Variants in CDH12 observed in about 807,000 individuals in gnomAD.
The protein encoded by CDH12 is cadherin-12.
A neutral mutation model predicts 74.1 loss-of-function variants in CDH12; 41 were observed. The ratio of observed to expected loss-of-function variants is 0.55; its 90% CI spans 0.43 to 0.72. The LOEUF (loss-of-function observed/expected upper bound fraction) is 0.72. Among genes scored for constraint, CDH12 ranks in the 30% least tolerant of loss-of-function variants. The pLI is 0.00. For missense variants in CDH12, 945 were observed against 977.2 expected, an observed-to-expected ratio of 0.97 and a Z score of 0.44; for synonymous variants, 399 against 355.0, an observed-to-expected ratio of 1.12 and a Z score of -1.39.
rs372107238 is a variant in CDH12 at position 22,111,648 on chromosome 5, T to A, written c.-186-32786A>T. Among the ~76,000 whole-genome samples the A allele has an allele frequency of 2.6e-5, 4 of 152,278 alleles. No individual in the cohort carries two copies. In the East Asian group the frequency reaches 5.8e-4, roughly 22 times the overall value. On this transcript the variant is annotated intron_variant, in intron 4 of 14. Transcript: ENST00000382254. ...AGAGATGCTTCATATTTTCCAACACTTTGCATGGTAATTGTGCTACCCCAA... is the reference window on the plus strand; with the variant it reads ...AGAGATGCTTCATATTTTCCAACACATTGCATGGTAATTGTGCTACCCCAA...
chr5:22,699,438 G>T (rs576833255), intron 1 of CDH12, among the ~76,000 whole-genome samples: 1 of 151,158 alleles, frequency 6.6e-6, no homozygotes, highest in African/African-American at 2.5e-5. Flanking sequence ...TATCAGAAAG[G>T]CTTTGATACA....
intron 1 of CDH12, among the ~76,000 whole-genome samples, chr5:22,605,379 C>T (rs1486272048): frequency 1.3e-5 from 2 of 152,186 alleles, no homozygotes; most frequent in African/African-American, 4.8e-5. Flanking sequence ...GAAGGGCCTT[C>T]CATCAGTCCC....
intron 4 of CDH12, among the ~76,000 whole-genome samples, chr5:22,195,965 T>A (rs1272344479): frequency 6.6e-6 from 1 of 152,118 alleles, no homozygotes; most frequent in African/African-American, 2.4e-5. Flanking sequence ...TATATACATA[T>A]TAATCACAGA....
intron 4 of CDH12, among the ~76,000 whole-genome samples, chr5:22,093,184 CT>C (rs1247473367): frequency 6.6e-6 from 1 of 152,154 alleles, no homozygotes; most frequent in African/African-American, 2.4e-5. Context: ...AAAGCTCTAG[CT>C]TATCTATTAC....
chr5:22,308,364 C>T (rs1017421327), intron 3 of CDH12, among the ~76,000 whole-genome samples: 7 of 152,016 alleles, frequency 4.6e-5, no homozygotes, highest in East Asian at 1.9e-4. Context: ...TGTCATTATC[C>T]GATTGCCATC....
intron 1 of CDH12, among the ~76,000 whole-genome samples, chr5:22,527,912 A>G (rs938395786): frequency 2.0e-5 from 3 of 152,150 alleles, no homozygotes; most frequent in Non-Finnish European, 4.4e-5. Context: ...CTGCTAAGTG[A>G]GCTCATATCG....
intron 3 of CDH12, among the ~76,000 whole-genome samples, chr5:22,219,476 G>T (rs1419219666): frequency 6.6e-6 from 1 of 151,596 alleles, no homozygotes; most frequent in Non-Finnish European, 1.5e-5. Flanking sequence ...CTCAGCAAAA[G>T]TCAATAATTT....
rs1387399969 is a variant in CDH12, at chr5:22,731,497, G to A, written c.-523+121561C>T. 2.6e-5 allele frequency among the ~76,000 whole-genome samples: 4 copies of A among 151,928 alleles called. No homozygotes were observed. The South Asian group carries it at 6.2e-4, about 24-fold the overall frequency. On this transcript the variant is annotated intron_variant, in intron 1 of 14. Transcript: ENST00000382254. ...AATGAAAGTTAAAATGTGAAAATTA[G>A]TAGATACACATCTTTCATTTACTAT...
intron 4 of CDH12, among the ~76,000 whole-genome samples, chr5:22,090,875 C>A (rs1042665932): frequency 6.6e-6 from 1 of 151,776 alleles, no homozygotes; most frequent in African/African-American, 2.4e-5. Flanking sequence ...TGATAATTTT[C>A]AATATGTTTT....
intron 4 of CDH12, among the ~76,000 whole-genome samples, chr5:22,162,678 A>G (rs1180819303): frequency 6.6e-6 from 1 of 152,026 alleles, no homozygotes; most frequent in African/African-American, 2.4e-5. Flanking sequence ...TTTGTAATAA[A>G]CTTACAAATA....
intron 6 of CDH12, among the ~76,000 whole-genome samples, chr5:21,899,669 G>T (rs1579932224): frequency 6.6e-6 from 1 of 150,588 alleles, no homozygotes; most frequent in Admixed American, 6.9e-5. Flanking sequence ...TATTTATAAA[G>T]AAATGTATAG....
intron 1 of CDH12, among the ~76,000 whole-genome samples, chr5:22,770,634 A>G (rs1397669933): frequency 6.6e-6 from 1 of 152,160 alleles, no homozygotes; most frequent in East Asian, 1.9e-4. Context: ...ACATATACCT[A>G]TGAGGTGCAA....
chr5:22,392,815 A>G (rs190134649), intron 3 of CDH12, among the ~76,000 whole-genome samples: 99 of 152,320 alleles, frequency 6.5e-4, no homozygotes, highest in African/African-American at 2.4e-3. Flanking sequence ...TTACAAAGAT[A>G]GATAGAGTAT....
At chr5:22,227,191 G>T (rs1752223698) in intron 3 of CDH12, among the ~76,000 whole-genome samples, 1 of 152,066 alleles carries the variant, frequency 6.6e-6, no homozygotes, top group African/African-American at 2.4e-5. Flanking sequence ...GACAGACACA[G>T]AATGGAGTTG....
intron 1 of CDH12, among the ~76,000 whole-genome samples, chr5:22,612,174 C>G (rs1239922168): frequency 6.6e-6 from 1 of 152,120 alleles, no homozygotes; most frequent in Non-Finnish European, 1.5e-5. Context: ...GGTGAGCTCT[C>G]TTTCTTCCTT....
intron 5 of CDH12, among the ~76,000 whole-genome samples, chr5:22,027,752 T>G (rs895941203): frequency 6.6e-6 from 1 of 152,144 alleles, no homozygotes; most frequent in South Asian, 2.1e-4. Context: ...TTGTTGATCC[T>G]TTCAAAAAAC....
intron 4 of CDH12, among the ~76,000 whole-genome samples, chr5:22,176,998 G>A (rs1466386285): frequency 2.0e-5 from 3 of 152,056 alleles, no homozygotes; most frequent in Admixed American, 2.0e-4. Flanking sequence ...ACAGGCATAT[G>A]CTCATATCTG....
intron 2 of CDH12, among the ~76,000 whole-genome samples, chr5:22,489,427 A>G (rs181937146): frequency 3.4e-4 from 52 of 152,148 alleles, no homozygotes; most frequent in Non-Finnish European, 6.3e-4. Flanking sequence ...TCTTAAAAAT[A>G]AAGGCCATTT....
intron 6 of CDH12, among the ~76,000 whole-genome samples, chr5:21,897,043 T>C (rs1162142482): frequency 6.6e-6 from 1 of 152,122 alleles, no homozygotes; most frequent in East Asian, 1.9e-4. Context: ...AAATATTGAG[T>C]TCATAAAGAT....
Sources: gnomAD v4.1 joint callset for allele counts (sites outside exome capture counted in the v4.1 genomes callset) on GRCh38, gnomAD v4.1.1 for gene constraint, MANE v1.5 for transcripts, NCBI Gene and HGNC (gene_info 2026-07-23, HGNC 2026-07-21) for gene names.